Variants in VRK2 observed in about 807,000 individuals in gnomAD.
The protein encoded by VRK2 is serine/threonine-protein kinase VRK2.
In VRK2, 60 loss-of-function variants were observed where a neutral mutation model predicts 57.6. That is an observed-to-expected ratio of 1.04 (90% CI 0.85 to 1.29). The LOEUF (loss-of-function observed/expected upper bound fraction) is 1.29. Among genes scored for constraint, VRK2 ranks in the 50% most tolerant of loss-of-function variants. The pLI is 0.00. For synonymous variants in VRK2, 231 were observed against 199.2 expected (o/e 1.16, Z -1.35); for missense variants, 705 against 588.1 (o/e 1.20, Z -2.06).
At chr2:58,154,564 T>G (rs1013004672) in intron 12 of VRK2, among the ~76,000 whole-genome samples, 2 of 152,118 alleles carry the variant, frequency 1.3e-5, no homozygotes, top group East Asian at 3.8e-4. Context: ...CCTTCTAGCA[T>G]GACATTAGCT....
chr2:57,939,426 A>G (rs1671021383), intron 1 of VRK2, among the ~76,000 whole-genome samples: 1 of 152,172 alleles, frequency 6.6e-6, no homozygotes, highest in African/African-American at 2.4e-5. Context: ...GCTACCAGCC[A>G]CTTTTTTCTA....
chr2:58,083,994 T>C (rs1407230541), intron 2 of VRK2, 95 bp from the exon 3 acceptor site: 7 of 1,311,434 alleles, frequency 5.3e-6, no homozygotes, highest in Non-Finnish European at 7.3e-6. Context: ...TAAACTTACA[T>C]ATGTAAAATG....
At chr2:57,962,189 A>C (rs1338526741) in intron 1 of VRK2, among the ~76,000 whole-genome samples, 1 of 152,196 alleles carries the variant, frequency 6.6e-6, no homozygotes. Flanking sequence ...AGGACTTCAG[A>C]GGTTAATTAG....
intron 1 of VRK2, among the ~76,000 whole-genome samples, chr2:57,971,368 C>T (rs1308772594): frequency 1.3e-5 from 2 of 151,918 alleles, no homozygotes; most frequent in Non-Finnish European, 2.9e-5. Context: ...ATAAAGAAAG[C>T]AGGGTTCACC....
At chr2:57,972,649 C>T (rs912409851) in intron 1 of VRK2, among the ~76,000 whole-genome samples, 1 of 151,592 alleles carries the variant, frequency 6.6e-6, no homozygotes, top group Non-Finnish European at 1.5e-5. Flanking sequence ...TATTCTTTGT[C>T]TTAATTTTTA....
At chr2:57,915,826 G>C (rs113026901) in intron 1 of VRK2, among the ~76,000 whole-genome samples, 12 of 152,278 alleles carry the variant, frequency 7.9e-5, no homozygotes, top group African/African-American at 2.9e-4. Flanking sequence ...CAGCATTACA[G>C]CCTGAGCTCC....
At chr2:58,136,620 G>A (rs947407209) in intron 10 of VRK2, among the ~76,000 whole-genome samples, 5 of 151,402 alleles carry the variant, frequency 3.3e-5, no homozygotes, top group East Asian at 3.9e-4. Context: ...TCCTGACCTC[G>A]TGATCCCCCC....
At chr2:58,011,927 C>G (rs910898459) in intron 1 of VRK2, among the ~76,000 whole-genome samples, 1 of 152,100 alleles carries the variant, frequency 6.6e-6, no homozygotes, top group Non-Finnish European at 1.5e-5. Context: ...GACACTAACT[C>G]TAGGATAGCA....
chr2:58,035,135 C>T (rs1471366356), intron 3 of VRK2, among the ~76,000 whole-genome samples: 2 of 151,950 alleles, frequency 1.3e-5, no homozygotes, highest in South Asian at 2.1e-4. Context: ...CAGTATAATC[C>T]TATCTGTATT....
At chr2:58,103,216 A>C (rs986331718) in intron 7 of VRK2, among the ~76,000 whole-genome samples, 1 of 151,672 alleles carries the variant, frequency 6.6e-6, no homozygotes, top group Admixed American at 6.6e-5. Context: ...AGAAGAAAAT[A>C]AATAGCAAAG....
chr2:58,092,454 T>C (rs1177512924), intron 7 of VRK2, among the ~76,000 whole-genome samples: 1 of 152,222 alleles, frequency 6.6e-6, no homozygotes, highest in Non-Finnish European at 1.5e-5. Context: ...TTGACAGTTA[T>C]AAATAAAGTT....
intron 1 of VRK2, among the ~76,000 whole-genome samples, chr2:57,949,430 A>G (rs1572896218): frequency 6.6e-6 from 1 of 152,098 alleles, no homozygotes; most frequent in Non-Finnish European, 1.5e-5. Flanking sequence ...TATTATCATT[A>G]TGTCTGTTAT....
chr2:58,092,174 T>TA (rs568089126), intron 7 of VRK2, among the ~76,000 whole-genome samples: 7 of 152,188 alleles, frequency 4.6e-5, no homozygotes, highest in Non-Finnish European at 1.0e-4. Flanking sequence ...CATTCCTGTT[T>TA]AGAGTCAGTC....
At chr2:57,957,281 A>G (rs1323449444) in intron 1 of VRK2, among the ~76,000 whole-genome samples, 3 of 152,156 alleles carry the variant, frequency 2.0e-5, no homozygotes, top group Non-Finnish European at 4.4e-5. Flanking sequence ...TTTCTCTTGT[A>G]AAAAGATACA....
chr2:57,965,907 T>C (rs1671902349), intron 1 of VRK2, among the ~76,000 whole-genome samples: 3 of 152,234 alleles, frequency 2.0e-5, no homozygotes, highest in African/African-American at 7.2e-5. Flanking sequence ...TTTACATATA[T>C]GTATTATTGT....
chr2:57,950,876 G>A (rs1393563092), intron 1 of VRK2, among the ~76,000 whole-genome samples: 3 of 152,028 alleles, frequency 2.0e-5, no homozygotes, highest in South Asian at 2.1e-4. Context: ...GGTGGATCAC[G>A]AGGTCAGGAG....
chr2:58,048,378 G>A, intron 1 of VRK2: 1 of 353,170 alleles, frequency 2.8e-6, no homozygotes, highest in Non-Finnish European at 5.2e-6. Context: ...CATTGTCTGT[G>A]TCTTCCCAAT....
intron 7 of VRK2, among the ~76,000 whole-genome samples, chr2:58,096,635 G>A (rs1174013018): frequency 6.6e-6 from 1 of 151,776 alleles, no homozygotes; most frequent in Non-Finnish European, 1.5e-5. Context: ...GTGGCCAGTA[G>A]TAGTCCCTTT....
intron 2 of VRK2, among the ~76,000 whole-genome samples, chr2:58,052,021 A>T (rs1675818232): frequency 6.6e-6 from 1 of 152,106 alleles, no homozygotes; most frequent in African/African-American, 2.4e-5. Flanking sequence ...AGGAGAGAAA[A>T]CTGAGGGTTA....
Sources: allele counts gnomAD v4.1 joint callset (sites outside exome capture counted in the v4.1 genomes callset), GRCh38; gene constraint gnomAD v4.1.1; transcripts MANE v1.5; gene names NCBI Gene and HGNC (gene_info 2026-07-23, HGNC 2026-07-21).